The following RP1 variants were observed in gnomAD, a reference collection of about 807,000 sequenced individuals.
RP1 encodes the protein oxygen-regulated protein 1.
RP1 carries 16 observed loss-of-function variants against 14.8 expected under a neutral mutation model. The ratio of observed to expected loss-of-function variants is 1.08; its 90% CI spans 0.73 to 1.65. RP1 has a LOEUF of 1.65. RP1 is among the 40% of genes most tolerant of loss of function. The pLI, the probability that RP1 is intolerant of heterozygous loss-of-function variation, is 0.00. For synonymous variants in RP1, 876 were observed against 883.6 expected (o/e 0.99, Z 0.15); for missense variants, 2,631 against 2,535.0 (o/e 1.04, Z -0.81).
intron 22 of RP1, among the ~76,000 whole-genome samples, chr8:54,768,755 A>G (rs909460033): frequency 1.3e-5 from 2 of 152,170 alleles, no homozygotes; most frequent in African/African-American, 2.4e-5. Context: ...TCTGAGTCCA[A>G]TCTTGACCTT....
At chr8:54,801,388 C>A (rs754697945) in intron 24 of RP1, among the ~76,000 whole-genome samples, 2 of 152,174 alleles carry the variant, frequency 1.3e-5, no homozygotes, top group Non-Finnish European at 2.9e-5. Flanking sequence ...CTCCTCCAGG[C>A]GTAGTGGGCC....
At chr8:54,691,481 A>G (rs1807706644) in intron 12 of RP1, among the ~76,000 whole-genome samples, 1 of 152,088 alleles carries the variant, frequency 6.6e-6, no homozygotes, top group African/African-American at 2.4e-5. Context: ...CTAAGTTTGA[A>G]GTGCTCATGA....
chr8:54,843,322 T>C (rs1209074083), intron 25 of RP1, among the ~76,000 whole-genome samples: 1 of 152,194 alleles, frequency 6.6e-6, no homozygotes, highest in Admixed American at 6.5e-5. Flanking sequence ...CCTCAGGTGA[T>C]CCACCCGCTT....
chr8:54,810,798 C>T (rs2129392938), intron 24 of RP1, among the ~76,000 whole-genome samples: 1 of 152,298 alleles, frequency 6.6e-6, no homozygotes. Flanking sequence ...CAGATCACCA[C>T]TGTTGATGAT....
At chr8:54,747,972 A>G (rs1585657892) in intron 19 of RP1, among the ~76,000 whole-genome samples, 1 of 152,236 alleles carries the variant, frequency 6.6e-6, no homozygotes, top group Non-Finnish European at 1.5e-5. Flanking sequence ...TTTGCTATAC[A>G]TTCTGGATAA....
chr8:54,592,601 C>T (rs776774846), intron 1 of RP1, among the ~76,000 whole-genome samples: 17 of 152,112 alleles, frequency 1.1e-4, no homozygotes, highest in African/African-American at 1.4e-4. Context: ...TCCCCGGGGT[C>T]GGATTTGGTT....
chr8:54,793,295 C>A (rs1407390548), intron 24 of RP1, among the ~76,000 whole-genome samples: 1 of 151,802 alleles, frequency 6.6e-6, no homozygotes. Context: ...TCTAAAAAAT[C>A]TAAAGTGGAG....
chr8:54,670,497 ATATATATACACATATATATGTATGTG>A (rs200711809), intron 7 of RP1, among the ~76,000 whole-genome samples: 43,565 of 121,796 alleles, frequency 0.36, 12,736 homozygotes, highest in Middle Eastern at 0.55. Flanking sequence ...GTAAGTATGT[ATATATATACACATATATATGTATGTG>A]TATATATATA....
chr8:54,811,572 A>G (rs181135968), intron 24 of RP1, among the ~76,000 whole-genome samples: 12 of 152,342 alleles, frequency 7.9e-5, no homozygotes, highest in Non-Finnish European at 1.5e-5. Flanking sequence ...TGTCATATGT[A>G]TGCTTCTTCG....
At chr8:54,848,043 A>C (rs993954537) in intron 25 of RP1, among the ~76,000 whole-genome samples, 1 of 152,156 alleles carries the variant, frequency 6.6e-6, no homozygotes, top group African/African-American at 2.4e-5. Context: ...AATTTCCCAC[A>C]ACATGAAAGT....
chr8:54,773,431 G>A (rs1809955964), downstream of RP1, among the ~76,000 whole-genome samples: 1 of 152,092 alleles, frequency 6.6e-6, no homozygotes, highest in African/African-American at 2.4e-5. Context: ...GAGGTCAGGA[G>A]TTTGAGACCA....
chr8:54,581,493 T>G (rs1804791386), intron 1 of RP1, among the ~76,000 whole-genome samples: 1 of 152,266 alleles, frequency 6.6e-6, no homozygotes, highest in South Asian at 2.1e-4. Flanking sequence ...TATAGCAGCA[T>G]GTTTTATAAT....
At chr8:54,730,754 A>C (rs1283677140) in intron 17 of RP1, among the ~76,000 whole-genome samples, 2 of 152,180 alleles carry the variant, frequency 1.3e-5, no homozygotes, top group East Asian at 3.9e-4. Flanking sequence ...TTTCTGTGTT[A>C]GTTATCTCTA....
At chr8:54,581,766 G>A (rs1347461314) in intron 1 of RP1, among the ~76,000 whole-genome samples, 5 of 152,322 alleles carry the variant, frequency 3.3e-5, no homozygotes, top group Middle Eastern at 6.8e-3. Context: ...GTGATAATGA[G>A]CATTTTTTCA....
Position 54,690,553 on chromosome 8 carries a change from T to C in RP1, c.1718-8914T>C, listed in dbSNP as rs1807686834. 2.6e-5 allele frequency among the ~76,000 whole-genome samples: 4 copies of C among 152,038 alleles called. No homozygotes were observed. In the South Asian group the frequency reaches 8.3e-4, roughly 32 times the overall value. ...TTTACTGAGAACTTCAATCCCTAAA[T>C]AGAGAAAGAAACCTTGGGGAGAGGA... On this transcript the variant is annotated intron_variant, in intron 12 of 22. Transcript: ENST00000636932.
chr8:54,833,438 T>A (rs1811584973), intron 24 of RP1, among the ~76,000 whole-genome samples: 1 of 151,888 alleles, frequency 6.6e-6, no homozygotes, highest in African/African-American at 2.4e-5. Flanking sequence ...TGCTAGAGAG[T>A]TAGGTCAAAA....
chr8:54,869,363 A>T (rs1812529419), intron 28 of RP1, among the ~76,000 whole-genome samples: 1 of 152,234 alleles, frequency 6.6e-6, no homozygotes, highest in African/African-American at 2.4e-5. Context: ...ATGTTGAAAT[A>T]ATAATCTTTT....
At chr8:54,856,966 A>C (rs916435774) in intron 26 of RP1, 1 of 476,006 alleles carries the variant, frequency 2.1e-6, no homozygotes, top group African/African-American at 2.0e-5. Context: ...TAGTAATACT[A>C]TTTTTTTTCT....
rs150001249 is a variant in RP1, at chr8:54,860,579, G to A, written c.4069+3473G>A. On this transcript the variant is annotated intron_variant, in intron 27 of 28. Transcript: ENST00000637698. ...CTGTGTGGGTACCAAGTAATCAGAG[G>A]TATATGTGCTTTTCTGTTTGTCTCT... 5.9e-3 allele frequency among the ~76,000 whole-genome samples: 892 copies of A among 152,272 alleles called. 9 individuals carry two copies. Among genetic ancestry groups the A allele is most frequent in the African/African-American group, 0.02 (845 of 41,562 alleles).
Sources: allele counts gnomAD v4.1 joint callset (sites outside exome capture counted in the v4.1 genomes callset), GRCh38; gene constraint gnomAD v4.1.1; transcripts MANE v1.5; gene names NCBI Gene and HGNC (gene_info 2026-07-23, HGNC 2026-07-21).